The following GSTT4 variants were observed in gnomAD, a reference collection of about 807,000 sequenced individuals.
The protein encoded by GSTT4 is glutathione S-transferase theta 4.
chr22:24,004,480 GTCC>G (rs2034307205), intron 1 of GSTT4: 1 of 153,556 alleles, frequency 6.5e-6, no homozygotes, highest in Non-Finnish European at 1.4e-5. Flanking sequence ...AGCTTTTGGA[GTCC>G]CTCTGTGCTG....
downstream of GSTT4, among the ~76,000 whole-genome samples, chr22:23,993,892 GC>G (rs902927303): frequency 2.0e-5 from 3 of 152,160 alleles, no homozygotes; most frequent in African/African-American, 7.2e-5. Flanking sequence ...CTCTCCTCAG[GC>G]CCCCAGGATA....
At chr22:23,993,372 G>A in the GSTT4 span, among the ~76,000 whole-genome samples, 2 of 152,274 alleles carry the variant, frequency 1.3e-5, no homozygotes, top group South Asian at 4.1e-4. Flanking sequence ...CTCAAACTGT[G>A]GTCATTAGAT....
chr22:23,991,121 T>G, the GSTT4 span, among the ~76,000 whole-genome samples: 2 of 75,060 alleles, frequency 2.7e-5, no homozygotes, highest in Non-Finnish European at 6.1e-5. Flanking sequence ...AAGGCTGCAG[T>G]GAGCCATGAT....
At chr22:23,990,804 C>CAT in the GSTT4 span, among the ~76,000 whole-genome samples, 99 of 71,610 alleles carry the variant, frequency 1.4e-3, no homozygotes, top group Admixed American at 2.7e-3. Context: ...TCGTTCTGTG[C>CAT]CTGCTGTGCC....
rs202069252 is a variant in GSTT4, at chr22:23,998,463, T to TG, written c.*78_*79insC. The TG allele has an allele frequency of 0.087, 3,920 of 44,946 alleles. 80 individuals are homozygous for TG. The highest frequency in any genetic ancestry group is 0.19 in the South Asian group (299 of 1,592). 2.8% of individuals were successfully genotyped at this position (44,946 alleles called of 1,614,324 possible). On this transcript the variant is annotated 3_prime_UTR_variant, in exon 5 of 5. Transcript: ENST00000621179. ...TTGTTTTTTTGTTTTTTTGTTTTTTTTTTTTTAACATTTCCTTTAAGGAAG... is the reference window on the plus strand; with the variant it reads ...TTGTTTTTTTGTTTTTTTGTTTTTTTGTTTTTTAACATTTCCTTTAAGGAAG...
At chr22:24,000,637 C>G (rs1177466542) in intron 3 of GSTT4, among the ~76,000 whole-genome samples, 1 of 144,766 alleles carries the variant, frequency 6.9e-6, no homozygotes, top group African/African-American at 2.9e-5. Context: ...TGGCTCACTG[C>G]CAACTCCAAC....
downstream of GSTT4, among the ~76,000 whole-genome samples, chr22:23,997,363 T>A (rs988317754): frequency 3.3e-5 from 5 of 152,160 alleles, no homozygotes; most frequent in African/African-American, 1.2e-4. Context: ...ACTACAGGCT[T>A]GCACCACCAC....
At chr22:24,002,482 T>C (rs1180735414) in intron 2 of GSTT4, among the ~76,000 whole-genome samples, 1 of 152,244 alleles carries the variant, frequency 6.6e-6, no homozygotes, top group Non-Finnish European at 1.5e-5. Flanking sequence ...GGTCAGGGCA[T>C]GGAGAGAGCT....
At chr22:23,990,640 A>ATAAG in the GSTT4 span, among the ~76,000 whole-genome samples, 2 of 77,654 alleles carry the variant, frequency 2.6e-5, no homozygotes, top group African/African-American at 8.9e-5. Context: ...AAATAAATAA[A>ATAAG]TAAATAAATA....
At chr22:23,994,707 T>C (rs987653709), downstream of GSTT4, among the ~76,000 whole-genome samples, 27 of 152,122 alleles carry the variant, frequency 1.8e-4, 1 homozygote, top group African/African-American at 5.8e-4. Context: ...TCCACAACAA[T>C]GTGAGCACTA....
At chr22:23,990,555 G>A in the GSTT4 span, among the ~76,000 whole-genome samples, 2 of 106,010 alleles carry the variant, frequency 1.9e-5, no homozygotes, top group South Asian at 8.0e-4. Context: ...GATCCTGAGA[G>A]GTCAAGGCTG....
At chr22:24,002,103 G>T (rs2034242908) in intron 2 of GSTT4, among the ~76,000 whole-genome samples, 1 of 152,292 alleles carries the variant, frequency 6.6e-6, no homozygotes, top group African/African-American at 2.4e-5. Flanking sequence ...GGGTGATTGG[G>T]GAGTGATGAG....
intron 2 of GSTT4, among the ~76,000 whole-genome samples, chr22:24,001,605 T>G (rs1213515789): frequency 6.6e-6 from 1 of 152,214 alleles, no homozygotes; most frequent in Non-Finnish European, 1.5e-5. Flanking sequence ...GGTGGGAGGA[T>G]CACTTGATCC....
At chr22:24,003,158 T>TTTTTTTTTTA (rs1303176599) in intron 2 of GSTT4, among the ~76,000 whole-genome samples, 35 of 104,644 alleles carry the variant, frequency 3.3e-4, no homozygotes, top group South Asian at 9.5e-4. Context: ...TTGTTTGTTT[T>TTTTTTTTTTA]AAGAACTCTT....
the GSTT4 span, among the ~76,000 whole-genome samples, chr22:23,991,103 G>A: frequency 1.3e-5 from 1 of 78,424 alleles, no homozygotes; most frequent in South Asian, 6.6e-4. Context: ...GCTTAAGCCT[G>A]GAAGGTCAAG....
At chr22:23,989,892 A>G in the GSTT4 span, among the ~76,000 whole-genome samples, 11 of 150,970 alleles carry the variant, frequency 7.3e-5, no homozygotes, top group Middle Eastern at 0.014. Flanking sequence ...CTTCTACTGA[A>G]TGGACATGCA....
chr22:23,991,275 A>T, the GSTT4 span: 2 of 110,520 alleles, frequency 1.8e-5, 1 homozygote, highest in Non-Finnish European at 4.4e-5. Context: ...CCGACTGCAA[A>T]GCAGCGGGGA....
At chr22:24,001,644 A>T (rs1009871248) in intron 2 of GSTT4, among the ~76,000 whole-genome samples, 1 of 152,266 alleles carries the variant, frequency 6.6e-6, no homozygotes, top group African/African-American at 2.4e-5. Context: ...GTGAGCCAAG[A>T]TCACACCACT....
At chr22:23,997,737 T>C (rs965507463), downstream of GSTT4, among the ~76,000 whole-genome samples, 3 of 152,220 alleles carry the variant, frequency 2.0e-5, no homozygotes, top group Non-Finnish European at 4.4e-5. Context: ...CTTATTTTTC[T>C]AGTTCCTTAA....
Sources: allele counts gnomAD v4.1 joint callset (sites outside exome capture counted in the v4.1 genomes callset), GRCh38; gene constraint gnomAD v4.1.1; transcripts MANE v1.5; gene names NCBI Gene and HGNC (gene_info 2026-07-23, HGNC 2026-07-21).